Variants in LAMA3 observed in about 807,000 individuals in gnomAD.
LAMA3 encodes laminin subunit alpha 3.
A neutral mutation model predicts 402.0 loss-of-function variants in LAMA3; 281 were observed. That is an observed-to-expected ratio of 0.70 (90% confidence interval 0.63 to 0.77). The LOEUF (loss-of-function observed/expected upper bound fraction) is 0.77. Among genes scored for constraint, LAMA3 ranks in the 30% least tolerant of loss-of-function variants. The pLI is 0.00. For synonymous variants in LAMA3, 1,431 were observed against 1,558.4 expected (o/e 0.92, Z 1.93); for missense variants, 3,840 against 4,215.5 (o/e 0.91, Z 2.47).
intron 67 of LAMA3, among the ~76,000 whole-genome samples, chr18:23,938,007 G>A (rs1431719331): frequency 2.0e-5 from 3 of 152,160 alleles, no homozygotes; most frequent in Admixed American, 6.5e-5. Context: ...AGTGAGCCAT[G>A]CAGGGGTAGG....
chr18:23,821,814 T>C (rs980912826), intron 19 of LAMA3, among the ~76,000 whole-genome samples: 1 of 152,256 alleles, frequency 6.6e-6, no homozygotes. Context: ...TTAGACTTTA[T>C]GTATGTGAAG....
Position 23,909,245 on chromosome 18 carries a change from A to G in LAMA3, c.7108A>G (p.Met2370Val), listed in dbSNP as rs756660877. ...GCCCTTGGGAAACATCTCTGACAAC[A>G]TGGACAGAATACGAGAACTAATTCA... is the stretch of plus-strand genomic sequence containing the variant. The part of the protein sequence containing the change: ...LLPLGNISDN[M>V]DRIRELIQQA... Residue 2370 changes from methionine to valine, a missense_variant, in exon 55 of 75, where the codon ATG (methionine) becomes GTG (valine). Coordinates refer to ENST00000313654, the MANE Select transcript of LAMA3 (RefSeq NM_198129.4). 1.6e-5 allele frequency: 26 copies of G among 1,613,660 alleles called. No individual in the cohort carries two copies. The highest frequency in any genetic ancestry group is 4.0e-5 in the African/African-American group (3 of 74,934).
At chr18:23,857,037 C>G (rs2064097092) in intron 32 of LAMA3, among the ~76,000 whole-genome samples, 1 of 152,176 alleles carries the variant, frequency 6.6e-6, no homozygotes, top group Admixed American at 6.5e-5. Flanking sequence ...TTGCCAAGTG[C>G]CAGGCACTGG....
At chr18:23,942,603 A>C (rs1307277242) in intron 68 of LAMA3, among the ~76,000 whole-genome samples, 1 of 146,430 alleles carries the variant, frequency 6.8e-6, no homozygotes, top group Non-Finnish European at 1.5e-5. Context: ...TTTTTTAGAC[A>C]GAGCCGCTGT....
intron 4 of LAMA3, among the ~76,000 whole-genome samples, chr18:23,749,890 G>A (rs916999479): frequency 3.3e-5 from 5 of 152,118 alleles, no homozygotes; most frequent in Admixed American, 6.6e-5. Context: ...ATGATACCCC[G>A]TAAGAGTGAG....
chr18:23,901,285 T>C lies in LAMA3; in HGVS notation c.6163T>C (p.Leu2055=). The C allele has an allele frequency of 6.2e-7, 1 of 1,614,170 alleles. No homozygotes were observed. The highest frequency in any genetic ancestry group is 1.1e-5 in the South Asian group (1 of 91,084). The change falls in exon 48 of 75, where the codon TTG becomes CTG. Residue 2055 remains leucine (L), a synonymous_variant. Transcript: ENST00000313654. ...AAAQAKQANG[L]NQENERALGA... is the part of the protein sequence containing the mutation. ...TGCCCAAGCCAAGCAGGCAAATGGC[T>C]TGAACCAAGAAAACGAGAGAGCTTT... is the stretch of plus-strand genomic sequence containing the variant.
chr18:23,882,428 G>A (rs1465624087), intron 40 of LAMA3, among the ~76,000 whole-genome samples: 4 of 151,876 alleles, frequency 2.6e-5, no homozygotes, highest in Non-Finnish European at 2.9e-5. Flanking sequence ...TCAGGAGTTC[G>A]AGACCAGCCT....
At chr18:23,833,658 C>T (rs2063527013) in intron 23 of LAMA3, among the ~76,000 whole-genome samples, 170 bp from the exon 24 acceptor site, 1 of 152,108 alleles carries the variant, frequency 6.6e-6, no homozygotes, top group South Asian at 2.1e-4. Context: ...AACAGGGCAC[C>T]ATGTGTTTTA....
chr18:23,813,667 G>T (rs745360546), intron 14 of LAMA3, among the ~76,000 whole-genome samples: 2 of 146,440 alleles, frequency 1.4e-5, no homozygotes, highest in Admixed American at 1.4e-4. Flanking sequence ...CTCAGCCTCC[G>T]AGTAACTGGG....
chr18:23,896,681 CG>C (rs1336763035), intron 44 of LAMA3, among the ~76,000 whole-genome samples: 1 of 152,166 alleles, frequency 6.6e-6, no homozygotes, highest in East Asian at 1.9e-4. Context: ...CAATGCTCAT[CG>C]TTGGGTGATG....
chr18:23,807,486 G>A (rs1056616143), intron 12 of LAMA3, among the ~76,000 whole-genome samples: 1 of 151,818 alleles, frequency 6.6e-6, no homozygotes, highest in African/African-American at 2.4e-5. Context: ...GTATGTGTGT[G>A]TGTCTGTGTG....
At chr18:23,814,640 T>C in intron 15 of LAMA3, 138 bp downstream of exon 15, 2 of 659,998 alleles carry the variant, frequency 3.0e-6, no homozygotes, top group Admixed American at 2.4e-5. Flanking sequence ...TCTGATGTTT[T>C]CCCCCCACTT....
intron 1 of LAMA3, among the ~76,000 whole-genome samples, chr18:23,705,883 G>A (rs1438673679): frequency 6.6e-6 from 1 of 152,056 alleles, no homozygotes; most frequent in Non-Finnish European, 1.5e-5. Flanking sequence ...CATAGAGCTT[G>A]GATAATAATT....
At chr18:23,810,967 C>T (rs543585078) in intron 13 of LAMA3, among the ~76,000 whole-genome samples, 1 of 152,144 alleles carries the variant, frequency 6.6e-6, no homozygotes, top group African/African-American at 2.4e-5. Context: ...TGCTGTGTTT[C>T]GGGCCTCTCT....
intron 8 of LAMA3, among the ~76,000 whole-genome samples, chr18:23,773,023 C>T (rs1427509630): frequency 6.6e-6 from 1 of 152,186 alleles, no homozygotes; most frequent in Non-Finnish European, 1.5e-5. Flanking sequence ...ATGACTAAAG[C>T]ACAGATAAAA....
In LAMA3 at chr18:23,689,711, C is replaced by G; in HGVS notation, c.28C>G (p.Arg10Gly). MAAAARPRG[R>G]ALGPVLPPTP... ...GGCGGCGGCCGCGCGGCCTCGGGGTCGGGCACTGGGGCCAGTACTGCCGCC... is the reference window on the plus strand; with the variant it reads ...GGCGGCGGCCGCGCGGCCTCGGGGTGGGGCACTGGGGCCAGTACTGCCGCC... Residue 10 changes from arginine to glycine, a missense_variant, in exon 1 of 75, where the codon CGG becomes GGG. Physicochemically the swap from Arg to Gly is moderately radical, Grantham distance 125 (BLOSUM62 -2). Around this residue, in one of 3 missense-constraint regions of LAMA3, gnomAD observed 2,109 missense variants for 2,376.0 expected, o/e 0.89. Transcript: ENST00000313654. The G allele has an allele frequency of 7.3e-7, 1 of 1,365,010 alleles. No individual in the cohort carries two copies. Among genetic ancestry groups the G allele is most frequent in the Non-Finnish European group, 9.4e-7 (1 of 1,063,836 alleles). The allele number at this position is 1,365,010 out of a possible 1,614,324, so 84.6% of individuals were successfully genotyped here.
intron 40 of LAMA3, among the ~76,000 whole-genome samples, chr18:23,884,054 GTGT>G (rs2064990622): frequency 2.1e-5 from 1 of 47,638 alleles, no homozygotes; most frequent in Admixed American, 2.8e-4. Flanking sequence ...TTTGGTGTGT[GTGT>G]GTGTGTGTGT....
chr18:23,859,577 A>G (rs1197014614), intron 34 of LAMA3, among the ~76,000 whole-genome samples: 1 of 152,176 alleles, frequency 6.6e-6, no homozygotes, highest in East Asian at 1.9e-4. Context: ...TGTTTATTAT[A>G]AAGAATATGA....
At position 23,907,583 on chromosome 18, in the gene LAMA3, C is replaced by G; in HGVS notation, c.6752C>G (p.Thr2251Ser). 3.7e-6 allele frequency: 6 copies of G among 1,613,970 alleles called. No homozygotes were observed. The highest frequency in any genetic ancestry group is 5.1e-6 in the Non-Finnish European group (6 of 1,179,844). Residue 2251 changes from threonine to serine, a missense_variant, in exon 53 of 75, where the codon ACC becomes AGC. Thr to Ser is a moderately conservative substitution (Grantham distance 58, BLOSUM62 1). This residue lies in a region of LAMA3 where 891 missense variants were observed against 857.5 expected (regional missense o/e 1.04). Coordinates refer to ENST00000313654, the MANE Select transcript of LAMA3 (RefSeq NM_198129.4). ...VSPALNNLQQ[T>S]LNIVTVQKEV... ...CCAGCTCTCAACAACCTACAGCAAA[C>G]CCTGAATATTGTGACAGTTCAGAAA...
Sources: allele counts gnomAD v4.1 joint callset (sites outside exome capture counted in the v4.1 genomes callset), GRCh38; gene constraint gnomAD v4.1.1; regional missense constraint gnomAD v4.1.1; transcripts MANE v1.5; gene names NCBI Gene and HGNC (gene_info 2026-07-23, HGNC 2026-07-21).